The following SPECC1 variants were observed in gnomAD, a reference collection of about 807,000 sequenced individuals.
SPECC1 encodes sperm antigen with calponin homology and coiled-coil domains 1.
SPECC1 carries 62 observed loss-of-function variants against 104.1 expected under a neutral mutation model. The ratio of observed to expected loss-of-function variants is 0.60; its 90% CI spans 0.49 to 0.74. The LOEUF (loss-of-function observed/expected upper bound fraction) is 0.74, where lower values mean the gene tolerates loss of function less well. Ranked by LOEUF, SPECC1 falls within the 30% of genes least tolerant of loss-of-function variation. The pLI is 0.00. For synonymous variants in SPECC1, 513 were observed against 501.6 expected, an observed-to-expected ratio of 1.02 and a Z score of -0.30; for missense variants, 1,306 against 1,310.5, an observed-to-expected ratio of 1.00 and a Z score of 0.05.
intron 2 of SPECC1, 120 bp from the exon 3 acceptor site, chr17:20,110,307 G>A: frequency 8.3e-7 from 1 of 1,211,638 alleles, no homozygotes; most frequent in Non-Finnish European, 1.2e-6. Flanking sequence ...GCTACTCAAA[G>A]TGCTGTTATT....
chr17:20,220,760 T>C (rs577179091), intron 4 of SPECC1, among the ~76,000 whole-genome samples: 158 of 152,316 alleles, frequency 1.0e-3, no homozygotes, highest in African/African-American at 3.8e-3. Context: ...CTGTTCCAGA[T>C]CTTAGAGGAA....
rs190191661 is a variant in SPECC1, at chr17:20,238,580, A to G, written c.2351+6175A>G. On this transcript the variant is annotated intron_variant, in intron 7 of 14. Transcript: ENST00000395527. ...TTTGGGGTGTCAAACTGGACAGCAC[A>G]GAATCATTAGAAAAATTAGCTTGGC... 129 of 1,042,782 alleles carry G rather than the reference A, an allele frequency of 1.2e-4. 1 individual carries two copies. In the African/African-American group the frequency reaches 1.9e-3, roughly 16 times the overall value. The allele number at this position is 1,042,782 out of a possible 1,614,324, so 64.6% of individuals were successfully genotyped here.
At chr17:20,103,172 G>T (rs2048023120) in intron 2 of SPECC1, among the ~76,000 whole-genome samples, 1 of 152,140 alleles carries the variant, frequency 6.6e-6, no homozygotes, top group South Asian at 2.1e-4. Flanking sequence ...GGGACCTCCT[G>T]GCTCCTGTTG....
intron 1 of SPECC1, among the ~76,000 whole-genome samples, chr17:20,062,504 AGGCATGTGCCACTGTGCCT>A (rs1188788117): frequency 6.6e-6 from 1 of 151,916 alleles, no homozygotes; most frequent in African/African-American, 2.4e-5. Flanking sequence ...TTGGGACTAC[AGGCATGTGCCACTGTGCCT>A]GGCTAATTTT....
At chr17:20,132,703 T>G (rs1295327903) in intron 3 of SPECC1, among the ~76,000 whole-genome samples, 1 of 146,596 alleles carries the variant, frequency 6.8e-6, no homozygotes, top group East Asian at 1.9e-4. Flanking sequence ...CTGTCAAATT[T>G]TATGTGTAGT....
At chr17:20,015,675 C>T (rs1180783572) in intron 1 of SPECC1, among the ~76,000 whole-genome samples, 1 of 147,046 alleles carries the variant, frequency 6.8e-6, no homozygotes, top group Non-Finnish European at 1.5e-5. Flanking sequence ...AGCTCTGCCT[C>T]CCAGGTTCAC....
chr17:20,301,501 A>T (rs1183950932), intron 13 of SPECC1, among the ~76,000 whole-genome samples: 1 of 152,184 alleles, frequency 6.6e-6, no homozygotes, highest in Non-Finnish European at 1.5e-5. Context: ...AAATCTAAAA[A>T]GTATGTGATA....
chr17:20,094,942 G>A (rs1171487000), intron 1 of SPECC1, among the ~76,000 whole-genome samples: 1 of 152,182 alleles, frequency 6.6e-6, no homozygotes, highest in African/African-American at 2.4e-5. Context: ...AACATAAAAG[G>A]GTGTCTTGAT....
intron 1 of SPECC1, among the ~76,000 whole-genome samples, chr17:20,032,049 AT>A (rs1406009795): frequency 6.6e-6 from 1 of 151,706 alleles, no homozygotes; most frequent in Non-Finnish European, 1.5e-5. Context: ...AGGAATCTTT[AT>A]TTTTTTTCTT....
intron 3 of SPECC1, among the ~76,000 whole-genome samples, chr17:20,171,621 C>T (rs1268025609): frequency 6.6e-6 from 1 of 152,068 alleles, no homozygotes; most frequent in Non-Finnish European, 1.5e-5. Flanking sequence ...AATCATGGCT[C>T]ACTGCAGCCT....
In SPECC1 at chr17:20,317,916, A is replaced by C. The variant is rs1204777214; in HGVS notation, c.*3851A>C. 1 of 225,096 alleles carries C rather than the reference A, an allele frequency of 4.4e-6. No homozygotes were observed. The highest frequency in any genetic ancestry group is 8.8e-6 in the Non-Finnish European group (1 of 113,066). The allele number at this position is 225,096 out of a possible 1,614,324, so 13.9% of individuals were successfully genotyped here. A position where few individuals can be genotyped will look rare whatever the true frequency, so the allele number is the denominator to read the frequency against. ...ACCTGGGGGAGGCAGTCCCCAACCC[A>C]GCTAGGCCAAGGGGTAGGGTTTTTA... On this transcript the variant is annotated 3_prime_UTR_variant, in exon 15 of 15. Transcript: ENST00000395527.
chr17:20,143,296 G>A (rs2031059860), intron 3 of SPECC1, among the ~76,000 whole-genome samples: 1 of 151,676 alleles, frequency 6.6e-6, no homozygotes, highest in Admixed American at 6.6e-5. Flanking sequence ...TGAGGCAGGA[G>A]GATTGCTTGA....
At chr17:20,019,848 C>G (rs2044301161) in intron 1 of SPECC1, among the ~76,000 whole-genome samples, 1 of 152,102 alleles carries the variant, frequency 6.6e-6, no homozygotes, top group African/African-American at 2.4e-5. Flanking sequence ...CTCACAGGGC[C>G]TTTCATCACT....
Position 20,110,456 on chromosome 17 carries a change from C to G in SPECC1, c.177C>G (p.Leu59=), listed in dbSNP as rs767316977. The change falls in exon 3 of 15, where the codon CTC becomes CTG. Residue 59 remains leucine (L), a synonymous_variant. Transcript: ENST00000395527. The stretch of plus-strand genomic sequence containing the variant: ...AGAGGGCCAGCAGTGAGGACACGCT[C>G]AACAAGCCAGGAAGTACCGCTGCAT... The part of the protein sequence containing the change: ...RLKRASSEDT[L]NKPGSTAASG... The G allele has an allele frequency of 1.2e-6, 2 of 1,613,734 alleles. No individual in the cohort carries two copies. The highest frequency in any genetic ancestry group is 2.7e-5 in the African/African-American group (2 of 74,902).
intron 7 of SPECC1, among the ~76,000 whole-genome samples, chr17:20,241,695 G>GT (rs1393544131): frequency 7.2e-6 from 1 of 139,106 alleles, no homozygotes; most frequent in Non-Finnish European, 1.5e-5. Flanking sequence ...TATCCTGTTT[G>GT]TTTTTATTGT....
chr17:20,313,863 G>T, intron 14 of SPECC1, 113 bp from the exon 15 acceptor site: 1 of 933,844 alleles, frequency 1.1e-6, no homozygotes, highest in Admixed American at 2.1e-5. Context: ...TTCTGTCTGT[G>T]TAAGTGGAGG....
chr17:20,287,505 C>A (rs1051061232), intron 12 of SPECC1, among the ~76,000 whole-genome samples: 59 of 149,576 alleles, frequency 3.9e-4, no homozygotes, highest in African/African-American at 1.4e-3. Context: ...TAACTCAATT[C>A]ATCTCTTTTC....
At chr17:20,229,682 T>TA (rs894931317) in intron 5 of SPECC1, among the ~76,000 whole-genome samples, 1 of 151,714 alleles carries the variant, frequency 6.6e-6, no homozygotes, top group Admixed American at 6.6e-5. Context: ...TCTAAAAAAA[T>TA]AAAAAAACCA....
intron 1 of SPECC1, among the ~76,000 whole-genome samples, chr17:20,034,388 C>T (rs977530181): frequency 6.6e-6 from 1 of 151,554 alleles, no homozygotes. Flanking sequence ...TGAGCCACTG[C>T]GTCAGGTCTT....
Sources: gnomAD v4.1 joint callset for allele counts (sites outside exome capture counted in the v4.1 genomes callset) on GRCh38, gnomAD v4.1.1 for gene constraint, MANE v1.5 for transcripts, NCBI Gene and HGNC (gene_info 2026-07-23, HGNC 2026-07-21) for gene names.